The following FBLN7 variants were observed in gnomAD, a reference collection of about 807,000 sequenced individuals.
FBLN7 encodes fibulin 7, also known as fibulin-7.
Under a neutral mutation model 44.0 loss-of-function variants are expected in FBLN7, and 31 were observed. The observed-to-expected ratio is 0.70, with a 90% CI of 0.53 to 0.95. The LOEUF (loss-of-function observed/expected upper bound fraction) is 0.95. Ranked by LOEUF, FBLN7 falls within the 40% of genes least tolerant of loss-of-function variation. FBLN7 has a pLI of 0.00. For missense variants in FBLN7, 573 were observed against 618.5 expected (o/e 0.93, Z 0.78); for synonymous variants, 262 against 253.4 (o/e 1.03, Z -0.32).
the FBLN7 span, among the ~76,000 whole-genome samples, chr2:112,224,535 G>C: frequency 6.6e-6 from 1 of 152,254 alleles, no homozygotes; most frequent in South Asian, 2.1e-4. Context: ...AAATTACATT[G>C]CCTCAAAGAC....
At chr2:112,205,252 G>T in the FBLN7 span, among the ~76,000 whole-genome samples, 1 of 151,968 alleles carries the variant, frequency 6.6e-6, no homozygotes, top group Non-Finnish European at 1.5e-5. Context: ...TAACACAAAA[G>T]AAGCCATTCA....
the FBLN7 span, among the ~76,000 whole-genome samples, chr2:112,223,868 A>G: frequency 6.6e-6 from 1 of 152,362 alleles, no homozygotes; most frequent in Admixed American, 6.5e-5. Flanking sequence ...AAGGCCAGGC[A>G]CGGCAGCTCA....
intron 5 of FBLN7, 75 bp from the exon 6 acceptor site, chr2:112,182,716 A>G: frequency 6.7e-7 from 1 of 1,497,344 alleles, no homozygotes; most frequent in Admixed American, 2.3e-5. Context: ...GAATTGAAGC[A>G]TGATTGTTCT....
chr2:112,223,195 C>T, the FBLN7 span, among the ~76,000 whole-genome samples: 1 of 151,322 alleles, frequency 6.6e-6, no homozygotes, highest in East Asian at 1.9e-4. Flanking sequence ...CAACATGGCA[C>T]ATGTATACAT....
intron 7 of FBLN7, among the ~76,000 whole-genome samples, 185 bp from the exon 8 acceptor site, chr2:112,186,949 T>G (rs1683296800): frequency 6.6e-6 from 1 of 152,166 alleles, no homozygotes; most frequent in Admixed American, 6.5e-5. Flanking sequence ...CAGCCCTTCC[T>G]TTGCCATGCC....
chr2:112,239,516 C>CA, the FBLN7 span, among the ~76,000 whole-genome samples: 1 of 130,296 alleles, frequency 7.7e-6, no homozygotes, highest in Admixed American at 7.6e-5. Context: ...AACAAACAGA[C>CA]AAAAAACAAA....
At chr2:112,240,354 T>C in the FBLN7 span, 3 of 152,382 alleles carry the variant, frequency 2.0e-5, no homozygotes, top group African/African-American at 7.2e-5. Context: ...ACTCCTGTGA[T>C]AGATTATGTT....
chr2:112,178,954 T>G (rs1359208792), intron 4 of FBLN7, among the ~76,000 whole-genome samples: 1 of 152,164 alleles, frequency 6.6e-6, no homozygotes, highest in Non-Finnish European at 1.5e-5. Context: ...TTCTCATCAC[T>G]TCTATTCAAC....
At chr2:112,204,475 A>G in the FBLN7 span, among the ~76,000 whole-genome samples, 1 of 152,116 alleles carries the variant, frequency 6.6e-6, no homozygotes, top group Non-Finnish European at 1.5e-5. Context: ...AAAGAATTCC[A>G]AGCAGGATAA....
At chr2:112,203,569 C>T in the FBLN7 span, among the ~76,000 whole-genome samples, 1 of 152,008 alleles carries the variant, frequency 6.6e-6, no homozygotes, top group Admixed American at 6.6e-5. Flanking sequence ...ATATTATGAA[C>T]TTACCAAAAA....
chr2:112,173,060 G>C (rs766005608), intron 3 of FBLN7, among the ~76,000 whole-genome samples: 2 of 152,156 alleles, frequency 1.3e-5, no homozygotes, highest in Non-Finnish European at 2.9e-5. Flanking sequence ...TCCAAACTGT[G>C]CACAACAAGG....
rs1187535875 is a variant in FBLN7 at position 112,187,135 on chromosome 2, C to G, written c.949C>G (p.Gln317Glu). The G allele has an allele frequency of 6.2e-7, 1 of 1,613,534 alleles. No individual in the cohort carries two copies. Among genetic ancestry groups the G allele is most frequent in the Non-Finnish European group, 8.5e-7 (1 of 1,179,776 alleles). Reference protein sequence around the residue: ...NVSYVKTSPFQCERNPCPMDS... With the variant: ...NVSYVKTSPFECERNPCPMDS... ...CTCCATTTTGCCTCTCCGCTCCAGC[C>G]AGTGTGAGCGGAACCCCTGCCCCAT... The change falls in exon 8 of 8, where the codon CAG (glutamine) becomes GAG (glutamate). Residue 317 changes from glutamine to glutamate, a missense_variant and splice_region_variant. Gln to Glu is a conservative substitution (Grantham distance 29). Transcript: ENST00000331203. The surrounding 1 kb of genome is among the most constrained non-coding windows in gnomAD (Gnocchi z 5.1).
downstream of FBLN7, chr2:112,188,535 T>TG (rs1338961645): frequency 6.6e-6 from 1 of 151,752 alleles, no homozygotes; most frequent in African/African-American, 2.4e-5. Context: ...GAGTGGGGTG[T>TG]GGTAGGATGG....
At chr2:112,198,214 T>TC in the FBLN7 span, among the ~76,000 whole-genome samples, 1 of 152,174 alleles carries the variant, frequency 6.6e-6, no homozygotes, top group African/African-American at 2.4e-5. Flanking sequence ...TGTTTATGTC[T>TC]CCCCCAACCA....
chr2:112,224,932 G>A, the FBLN7 span, among the ~76,000 whole-genome samples: 3 of 152,196 alleles, frequency 2.0e-5, no homozygotes, highest in Non-Finnish European at 4.4e-5. Flanking sequence ...AAAACTCATT[G>A]AACTGTATAC....
At chr2:112,184,790 T>C (rs570127783) in intron 6 of FBLN7, among the ~76,000 whole-genome samples, 1 of 134,840 alleles carries the variant, frequency 7.4e-6, no homozygotes, top group South Asian at 2.7e-4. Context: ...GGTGTGTGTA[T>C]ATATATACCA....
chr2:112,139,929 T>C (rs111162576), intron 1 of FBLN7, among the ~76,000 whole-genome samples: 335 of 25,194 alleles, frequency 0.013, 6 homozygotes, highest in East Asian at 0.099. Flanking sequence ...CCTCTCTCCA[T>C]GCCAGTGTCC....
the FBLN7 span, chr2:112,231,914 G>A: frequency 6.3e-7 from 1 of 1,585,460 alleles, no homozygotes; most frequent in African/African-American, 1.3e-5. Flanking sequence ...ATAACATTTT[G>A]TTCCTGTATG....
At chr2:112,201,699 TAC>T in the FBLN7 span, among the ~76,000 whole-genome samples, 1 of 152,188 alleles carries the variant, frequency 6.6e-6, no homozygotes, top group Non-Finnish European at 1.5e-5. Context: ...CCTTCACAGC[TAC>T]ACAAGGACAG....
Sources: allele counts gnomAD v4.1 joint callset (sites outside exome capture counted in the v4.1 genomes callset), GRCh38; gene constraint gnomAD v4.1.1; non-coding constraint Gnocchi (gnomAD v3.1); transcripts MANE v1.5; gene names NCBI Gene and HGNC (gene_info 2026-07-23, HGNC 2026-07-21).